Variants in ADAM22 observed in about 807,000 individuals in gnomAD.
ADAM22 encodes the protein disintegrin and metalloproteinase domain-containing protein 22.
Under a neutral mutation model 144.6 loss-of-function variants are expected in ADAM22, and 65 were observed. The ratio of observed to expected loss-of-function variants is 0.45; its 90% CI spans 0.37 to 0.55. The LOEUF is 0.55. ADAM22 is among the 20% of genes least tolerant of loss of function. ADAM22 has a pLI of 0.00. For synonymous variants in ADAM22, 391 were observed against 412.6 expected (o/e 0.95, Z 0.63); for missense variants, 974 against 1,184.9 (o/e 0.82, Z 2.61).
chr7:88,030,627 G>C (rs1400593131), intron 3 of ADAM22, among the ~76,000 whole-genome samples: 1 of 152,036 alleles, frequency 6.6e-6, no homozygotes, highest in Non-Finnish European at 1.5e-5. Flanking sequence ...TCCACCTAGT[G>C]CTGTCTTGTG....
chr7:88,073,658 C>T (rs1038644254), intron 3 of ADAM22, among the ~76,000 whole-genome samples: 1 of 152,160 alleles, frequency 6.6e-6, no homozygotes, highest in African/African-American at 2.4e-5. Flanking sequence ...GGTTGGTATA[C>T]CTGGGTTAGG....
intron 3 of ADAM22, among the ~76,000 whole-genome samples, chr7:88,048,277 A>G (rs1805233408): frequency 6.6e-6 from 1 of 152,128 alleles, no homozygotes; most frequent in Non-Finnish European, 1.5e-5. Flanking sequence ...CTTAGTGGAT[A>G]GTTAGATTGT....
At chr7:88,185,352 T>C (rs1247367148) in intron 29 of ADAM22, among the ~76,000 whole-genome samples, 1 of 152,148 alleles carries the variant, frequency 6.6e-6, no homozygotes, top group Non-Finnish European at 1.5e-5. Context: ...GAAAGGGCTG[T>C]GGAAAAAATA....
At chr7:88,008,723 G>A (rs1039954750) in intron 3 of ADAM22, among the ~76,000 whole-genome samples, 2 of 151,698 alleles carry the variant, frequency 1.3e-5, no homozygotes, top group African/African-American at 4.8e-5. Context: ...ACACAGGAAG[G>A]GGAACATCAC....
At chr7:88,058,832 G>A (rs999853060) in intron 3 of ADAM22, among the ~76,000 whole-genome samples, 4 of 152,126 alleles carry the variant, frequency 2.6e-5, no homozygotes, top group Non-Finnish European at 5.9e-5. Context: ...ATGGAATATA[G>A]AACATATACT....
chr7:88,106,680 A>C (rs534120800), intron 4 of ADAM22, among the ~76,000 whole-genome samples: 2 of 152,298 alleles, frequency 1.3e-5, no homozygotes, highest in Non-Finnish European at 2.9e-5. Context: ...GAAAGAGGTC[A>C]TTTAGAGAAG....
At chr7:88,012,437 A>G (rs1375669139) in intron 3 of ADAM22, among the ~76,000 whole-genome samples, 1 of 152,132 alleles carries the variant, frequency 6.6e-6, no homozygotes, top group Non-Finnish European at 1.5e-5. Flanking sequence ...ATATCAGATA[A>G]TAGGAGCAAA....
chr7:87,959,360 T>G (rs540596618), intron 2 of ADAM22, among the ~76,000 whole-genome samples: 10 of 152,248 alleles, frequency 6.6e-5, no homozygotes, highest in Non-Finnish European at 1.3e-4. Context: ...AAGAGCTCAA[T>G]AAATGTTAGC....
chr7:87,961,178 A>G (rs1198645883), intron 2 of ADAM22, among the ~76,000 whole-genome samples: 2 of 152,164 alleles, frequency 1.3e-5, no homozygotes, highest in African/African-American at 4.8e-5. Flanking sequence ...GACTTGAAGG[A>G]TGTGAGGAGT....
chr7:87,940,181 CA>C (rs35309253), intron 2 of ADAM22, among the ~76,000 whole-genome samples: 17,094 of 76,082 alleles, frequency 0.22, 995 homozygotes, highest in African/African-American at 0.32. Context: ...GTCTTTATCT[CA>C]AAAAAAAAAA....
chr7:87,952,013 G>C (rs935836784), intron 2 of ADAM22, among the ~76,000 whole-genome samples: 10 of 149,708 alleles, frequency 6.7e-5, no homozygotes, highest in African/African-American at 2.2e-4. Context: ...CTTTGCTGAA[G>C]TTGCTTATCA....
chr7:87,998,727 C>T (rs1562987208), intron 3 of ADAM22, among the ~76,000 whole-genome samples: 1 of 152,154 alleles, frequency 6.6e-6, no homozygotes, highest in East Asian at 1.9e-4. Flanking sequence ...GTTAGTACCC[C>T]TGATTCCATC....
chr7:88,053,758 T>C (rs1380687342), intron 3 of ADAM22, among the ~76,000 whole-genome samples: 1 of 152,224 alleles, frequency 6.6e-6, no homozygotes, highest in African/African-American at 2.4e-5. Flanking sequence ...GTATATACCA[T>C]TTGATGGATT....
At chr7:88,150,573 T>G (rs1838044536) in intron 18 of ADAM22, among the ~76,000 whole-genome samples, 1 of 152,204 alleles carries the variant, frequency 6.6e-6, no homozygotes, top group African/African-American at 2.4e-5. Context: ...GCAGACTTAC[T>G]CTTTGTTTAT....
At chr7:88,074,741 G>A (rs1813756951) in intron 3 of ADAM22, among the ~76,000 whole-genome samples, 1 of 152,142 alleles carries the variant, frequency 6.6e-6, no homozygotes. Context: ...TGTAATGCTT[G>A]TTTGATCGTT....
At chr7:88,140,516 A>G (rs1402067834) in intron 14 of ADAM22, among the ~76,000 whole-genome samples, 1 of 152,200 alleles carries the variant, frequency 6.6e-6, no homozygotes, top group African/African-American at 2.4e-5. Context: ...GTTACTTGAA[A>G]AAAACCTGGT....
At chr7:88,110,655 C>T (rs949402786) in intron 5 of ADAM22, among the ~76,000 whole-genome samples, 1 of 148,960 alleles carries the variant, frequency 6.7e-6, no homozygotes, top group South Asian at 2.2e-4. Flanking sequence ...CTTTTCTTTT[C>T]TTTTTTTTCT....
intron 14 of ADAM22, among the ~76,000 whole-genome samples, chr7:88,140,157 C>T (rs1182937253): frequency 6.6e-6 from 1 of 152,092 alleles, no homozygotes; most frequent in Non-Finnish European, 1.5e-5. Flanking sequence ...CAGCCATTTC[C>T]TCTTGGAGGG....
At position 87,984,196 on chromosome 7, in the gene ADAM22, T is replaced by G. The variant is rs903557372; in HGVS notation, c.323+5784T>G. Among the ~76,000 whole-genome samples the G allele has an allele frequency of 2.4e-4, 36 of 152,320 alleles. 1 individual carries two copies. The highest frequency in any genetic ancestry group is 8.2e-4 in the African/African-American group (34 of 41,548). ...TCCCCAAGTGTTTCCTTTAACTATTTCTGAGATTAGTCTCTAGCTTTTAAT... is the reference window on the plus strand; with the variant it reads ...TCCCCAAGTGTTTCCTTTAACTATTGCTGAGATTAGTCTCTAGCTTTTAAT... On this transcript the variant is annotated intron_variant, in intron 3 of 31. Coordinates refer to ENST00000413139, the MANE Select transcript of ADAM22 (RefSeq NM_001324418.2).
Sources: gnomAD v4.1 joint callset for allele counts (sites outside exome capture counted in the v4.1 genomes callset) on GRCh38, gnomAD v4.1.1 for gene constraint, MANE v1.5 for transcripts, NCBI Gene and HGNC (gene_info 2026-07-23, HGNC 2026-07-21) for gene names.